Variants in MTHFS observed in about 807,000 individuals in gnomAD.
MTHFS encodes methenyltetrahydrofolate synthetase.
A neutral mutation model predicts 12.7 loss-of-function variants in MTHFS; 7 were observed. The observed-to-expected ratio is 0.55, with a 90% CI of 0.31 to 1.03. The LOEUF is 1.03. MTHFS is among the 50% of genes least tolerant of loss of function. MTHFS has a pLI of 0.05. For missense variants in MTHFS, 252 were observed against 258.1 expected (o/e 0.98, Z 0.16); for synonymous variants, 100 against 97.1 (o/e 1.03, Z -0.18).
At position 79,879,321 on chromosome 15, in the gene MTHFS, C is replaced by CTTT. The variant is rs565488885; in HGVS notation, c.379+9769_379+9771dup. On this transcript the variant is annotated intron_variant, in intron 2 of 2. Coordinates refer to ENST00000258874, the MANE Select transcript of MTHFS (RefSeq NM_006441.4). Reference sequence around the variant, plus strand: ...TGTGTTTTACCTTTAAATTATTACCCTTTTTTTTTTTTTTTTTTTTTTTTG... The same window carrying CTTT: ...TGTGTTTTACCTTTAAATTATTACCCTTTTTTTTTTTTTTTTTTTTTTTTTTTG... 5.2e-3 allele frequency among the ~76,000 whole-genome samples: 411 copies of CTTT among 79,342 alleles called. 5 individuals are homozygous for CTTT. Among genetic ancestry groups the CTTT allele is most frequent in the East Asian group, 0.011 (26 of 2,442 alleles). The allele number at this position is 79,342 out of a possible 152,430, so 52.1% of individuals were successfully genotyped here.
At chr15:79,893,707 A>G (rs1289929685) in intron 1 of MTHFS, among the ~76,000 whole-genome samples, 23 of 151,874 alleles carry the variant, frequency 1.5e-4, no homozygotes, top group Admixed American at 1.5e-3. Context: ...CAAAAAAAAA[A>G]AAAAAAGGAA....
At chr15:79,856,780 A>G (rs982421504) in intron 2 of MTHFS, among the ~76,000 whole-genome samples, 6 of 152,090 alleles carry the variant, frequency 3.9e-5, no homozygotes, top group Admixed American at 2.0e-4. Context: ...CCACAACAAA[A>G]AAAGAAAGAA....
At chr15:79,867,271 T>C (rs750393462) in intron 2 of MTHFS, among the ~76,000 whole-genome samples, 6 of 152,154 alleles carry the variant, frequency 3.9e-5, no homozygotes, top group Non-Finnish European at 5.9e-5. Context: ...CAATTCTTGG[T>C]TGATTATCAC....
chr15:79,889,473 A>T, intron 1 of MTHFS, 119 bp from the exon 2 acceptor site: 1 of 1,225,216 alleles, frequency 8.2e-7, no homozygotes, highest in Non-Finnish European at 1.1e-6. Context: ...AAGAAAAAAA[A>T]AGGGGGGGGG....
At chr15:79,896,790 C>T in intron 1 of MTHFS, 82 bp downstream of exon 1, 1 of 1,530,390 alleles carries the variant, frequency 6.5e-7, no homozygotes, top group Non-Finnish European at 8.7e-7. Context: ...CCAGCACGGA[C>T]CATGCACAGA....
chr15:79,867,915 G>A (rs1304096810), intron 2 of MTHFS, among the ~76,000 whole-genome samples: 1 of 152,206 alleles, frequency 6.6e-6, no homozygotes, highest in Non-Finnish European at 1.5e-5. Flanking sequence ...GCTTTGAGTG[G>A]AGTGTGTGTG....
intron 2 of MTHFS, chr15:79,876,614 C>CCA (rs2034199770): frequency 1.2e-5 from 1 of 86,296 alleles, no homozygotes; most frequent in Non-Finnish European, 2.3e-5. Flanking sequence ...GACTCCATCC[C>CCA]AAAAAAAAAA....
At chr15:79,854,485 T>C (rs1044867048) in intron 2 of MTHFS, among the ~76,000 whole-genome samples, 12 of 152,170 alleles carry the variant, frequency 7.9e-5, no homozygotes, top group Non-Finnish European at 1.5e-4. Flanking sequence ...CTGGTCTTCC[T>C]TGCCACTAAG....
At chr15:79,884,085 T>C (rs1052532894) in intron 2 of MTHFS, among the ~76,000 whole-genome samples, 1 of 152,160 alleles carries the variant, frequency 6.6e-6, no homozygotes, top group Non-Finnish European at 1.5e-5. Flanking sequence ...TTAAACTCCA[T>C]AACAGATATG....
chr15:79,846,798 T>C (rs2033623500), intron 2 of MTHFS, among the ~76,000 whole-genome samples: 1 of 152,236 alleles, frequency 6.6e-6, no homozygotes, highest in African/African-American at 2.4e-5. Context: ...TACTCCCTCG[T>C]GTCCTCTTTC....
intron 2 of MTHFS, among the ~76,000 whole-genome samples, chr15:79,863,285 C>G (rs975452110): frequency 6.6e-6 from 1 of 152,204 alleles, no homozygotes; most frequent in African/African-American, 2.4e-5. Context: ...CTTGGGACAG[C>G]CTGTCCTCCT....
chr15:79,854,156 A>G (rs1484425419), intron 2 of MTHFS, among the ~76,000 whole-genome samples: 14 of 152,238 alleles, frequency 9.2e-5, no homozygotes, highest in Non-Finnish European at 1.9e-4. Context: ...AACTGGATGC[A>G]GCGTCTGTAC....
chr15:79,886,485 A>G (rs1860614911), intron 2 of MTHFS, among the ~76,000 whole-genome samples: 1 of 152,212 alleles, frequency 6.6e-6, no homozygotes, highest in African/African-American at 2.4e-5. Flanking sequence ...AGTATCTGCA[A>G]AGAAAAATGC....
chr15:79,884,450 A>C (rs576807175), intron 2 of MTHFS, among the ~76,000 whole-genome samples: 7 of 152,208 alleles, frequency 4.6e-5, no homozygotes, highest in Non-Finnish European at 7.3e-5. Flanking sequence ...AGAAGGCTTG[A>C]ATAGGGTAGA....
At chr15:79,883,686 A>G (rs2034334938) in intron 2 of MTHFS, among the ~76,000 whole-genome samples, 2 of 124,286 alleles carry the variant, frequency 1.6e-5, no homozygotes, top group South Asian at 2.9e-4. Context: ...GGCACTTTAC[A>G]TATATCACCT....
At chr15:79,870,130 A>G (rs937865980) in intron 2 of MTHFS, among the ~76,000 whole-genome samples, 9 of 152,248 alleles carry the variant, frequency 5.9e-5, no homozygotes, top group African/African-American at 2.2e-4. Context: ...TCAAGCAATG[A>G]AAAAACAAGT....
At chr15:79,896,794 G>GCA (rs956669895) in intron 1 of MTHFS, 78 bp downstream of exon 1, 21 of 1,527,574 alleles carry the variant, frequency 1.4e-5, no homozygotes, top group Non-Finnish European at 1.8e-5. Context: ...CACGGACCAT[G>GCA]CACAGATCAG....
intron 2 of MTHFS, among the ~76,000 whole-genome samples, chr15:79,880,073 C>CT (rs1333629385): frequency 6.6e-6 from 1 of 151,892 alleles, no homozygotes; most frequent in Non-Finnish European, 1.5e-5. Flanking sequence ...TGCTTTTGTT[C>CT]TTTTTTTTCT....
At chr15:79,858,868 G>A (rs907144517) in intron 2 of MTHFS, among the ~76,000 whole-genome samples, 4 of 152,100 alleles carry the variant, frequency 2.6e-5, no homozygotes, top group Non-Finnish European at 4.4e-5. Context: ...CTTCAGAAAC[G>A]TCTGTTTCCA....
Sources: gnomAD v4.1 joint callset for allele counts (sites outside exome capture counted in the v4.1 genomes callset) on GRCh38, gnomAD v4.1.1 for gene constraint, MANE v1.5 for transcripts, NCBI Gene and HGNC (gene_info 2026-07-23, HGNC 2026-07-21) for gene names.